SSU72: variants seen among roughly 807,000 people sequenced by gnomAD.
SSU72 encodes RNA polymerase II subunit A C-terminal domain phosphatase SSU72.
SSU72 carries 12 observed loss-of-function variants against 22.7 expected under a neutral mutation model. That is an observed-to-expected ratio of 0.53 (90% CI 0.34 to 0.86). The LOEUF (loss-of-function observed/expected upper bound fraction) is 0.86, where lower values mean the gene tolerates loss of function less well. SSU72 is among the 40% of genes least tolerant of loss of function. The pLI, the probability that SSU72 is intolerant of heterozygous loss-of-function variation, is 0.02. For missense variants in SSU72, 151 were observed against 249.8 expected (o/e 0.60, Z 2.67); for synonymous variants, 116 against 98.3 (o/e 1.18, Z -1.06).
At chr1:1,571,584 G>C (rs975556892) in intron 1 of SSU72, among the ~76,000 whole-genome samples, 6 of 151,962 alleles carry the variant, frequency 3.9e-5, no homozygotes, top group Non-Finnish European at 8.8e-5. Flanking sequence ...TTGAATGATG[G>C]CGGCACAGGT....
At position 1,554,500 on chromosome 1, in the gene SSU72, C is replaced by A. The variant is rs1642496103; in HGVS notation, c.225-9498G>T. Among the ~76,000 whole-genome samples the A allele has an allele frequency of 6.6e-6, 1 of 152,198 alleles. No individual in the cohort carries two copies. The highest frequency in any genetic ancestry group is 2.4e-5 in the African/African-American group (1 of 41,448). On this transcript the variant is annotated intron_variant, in intron 2 of 4. Coordinates refer to ENST00000291386, the MANE Select transcript of SSU72 (RefSeq NM_014188.3). This position sits in a 1 kb window ranked among gnomAD's most constrained non-coding sequence, Gnocchi z 4.1. Reference sequence around the variant, plus strand: ...GTGCCAGGACATACCAGGAAACGCCCCAAACACAGCTCGGTTTTCCTTACC... The same window carrying A: ...GTGCCAGGACATACCAGGAAACGCCACAAACACAGCTCGGTTTTCCTTACC...
intron 1 of SSU72, among the ~76,000 whole-genome samples, chr1:1,567,353 CCAAA>C (rs1481256660): frequency 6.6e-6 from 1 of 152,220 alleles, no homozygotes; most frequent in Non-Finnish European, 1.5e-5. Context: ...ACCCGGCTCT[CCAAA>C]CATCTACCAC....
chr1:1,568,789 T>C (rs546974026), intron 1 of SSU72, among the ~76,000 whole-genome samples: 1 of 151,852 alleles, frequency 6.6e-6, no homozygotes, highest in South Asian at 2.1e-4. Context: ...CCAGGCGTGG[T>C]GGCTCATGCC....
intron 2 of SSU72, among the ~76,000 whole-genome samples, chr1:1,559,711 C>G (rs544569774): frequency 6.7e-6 from 1 of 149,866 alleles, no homozygotes; most frequent in African/African-American, 2.5e-5. Context: ...AGGCACACGC[C>G]ACCACACCCA....
At position 1,554,990 on chromosome 1, in the gene SSU72, C is replaced by A. The variant is rs1296346362; in HGVS notation, c.224+9783G>T. ...CTTGGTCCTTCCCCGGAAGGCCACA[C>A]CATCTTCCCTGCACGTATGACTCAT... On this transcript the variant is annotated intron_variant, in intron 2 of 4. Transcript: ENST00000291386. The surrounding 1 kb of genome is among the most constrained non-coding windows in gnomAD (Gnocchi z 4.1). Among the ~76,000 whole-genome samples the A allele has an allele frequency of 6.6e-6, 1 of 152,222 alleles. No individual in the cohort carries two copies.
chr1:1,550,206 A>G (rs1376042065), intron 2 of SSU72, among the ~76,000 whole-genome samples: 1 of 150,118 alleles, frequency 6.7e-6, no homozygotes, highest in Non-Finnish European at 1.5e-5. Context: ...ATATATATAT[A>G]TGTATATAAA....
chr1:1,548,776 G>A (rs368907911), intron 2 of SSU72, among the ~76,000 whole-genome samples: 1 of 152,312 alleles, frequency 6.6e-6, no homozygotes, highest in South Asian at 2.1e-4. Context: ...GCGTAAACAG[G>A]AGGAGCAGGC....
chr1:1,573,372 G>A (rs891627221), intron 1 of SSU72, among the ~76,000 whole-genome samples: 1 of 148,440 alleles, frequency 6.7e-6, no homozygotes, highest in Non-Finnish European at 1.5e-5. Flanking sequence ...ACAAGTTGCA[G>A]TGAGCCGAGA....
chr1:1,574,427 A>C, intron 1 of SSU72, 51 bp downstream of exon 1: 1 of 1,539,632 alleles, frequency 6.5e-7, no homozygotes, highest in Non-Finnish European at 8.8e-7. Flanking sequence ...GGGAGGAGGG[A>C]GGGCCGGTCG....
intron 2 of SSU72, chr1:1,561,819 A>G (rs1020441861): frequency 6.6e-6 from 1 of 152,098 alleles, no homozygotes; most frequent in Non-Finnish European, 1.5e-5. Flanking sequence ...CGCTCCTCCT[A>G]GAGCCTCCTG....
intron 1 of SSU72, among the ~76,000 whole-genome samples, chr1:1,568,929 T>C (rs762502947): frequency 6.6e-6 from 1 of 152,032 alleles, no homozygotes; most frequent in Non-Finnish European, 1.5e-5. Context: ...CCCAGCACTT[T>C]GGGAAGCCAA....
At chr1:1,573,517 G>C (rs1049533890) in intron 1 of SSU72, among the ~76,000 whole-genome samples, 1 of 151,984 alleles carries the variant, frequency 6.6e-6, no homozygotes, top group Non-Finnish European at 1.5e-5. Flanking sequence ...TGATTTTTGG[G>C]GGGTGTTTTT....
At chr1:1,549,538 A>G (rs1209758100) in intron 2 of SSU72, among the ~76,000 whole-genome samples, 9 of 151,294 alleles carry the variant, frequency 5.9e-5, no homozygotes, top group East Asian at 2.0e-4. Flanking sequence ...AAAGAAAGAA[A>G]AAGAAAAAAA....
intron 1 of SSU72, among the ~76,000 whole-genome samples, chr1:1,565,681 G>GGGGC: frequency 1.3e-5 from 2 of 152,296 alleles, no homozygotes; most frequent in East Asian, 3.9e-4. Context: ...CACAGGCTCA[G>GGGGC]GGTTGCTGCA....
intron 2 of SSU72, among the ~76,000 whole-genome samples, chr1:1,558,536 A>G (rs1365781298): frequency 6.6e-6 from 1 of 152,220 alleles, no homozygotes; most frequent in Non-Finnish European, 1.5e-5. Context: ...CTTGCGTTTC[A>G]CAGGACAACA....
intron 2 of SSU72, among the ~76,000 whole-genome samples, chr1:1,548,610 G>T (rs1313477878): frequency 6.6e-6 from 1 of 151,998 alleles, no homozygotes; most frequent in African/African-American, 2.4e-5. Context: ...TTGTCCAGAG[G>T]TGAGATGTGG....
chr1:1,564,573 C>T lies in SSU72; in HGVS notation c.224+200G>A, dbSNP rs371170736. ...CACACCGTGTCTGTGCGCCTCACCACGCCTACTGCCATGGGTGGCACTGGA... is the reference window on the plus strand; with the variant it reads ...CACACCGTGTCTGTGCGCCTCACCATGCCTACTGCCATGGGTGGCACTGGA... On this transcript the variant is annotated intron_variant, in intron 2 of 4. Transcript: ENST00000291386. 4.9e-5 allele frequency: 78 copies of T among 1,594,384 alleles called. No individual in the cohort carries two copies. The East Asian group carries it at 5.0e-4, about 10-fold the overall frequency.
intron 1 of SSU72, among the ~76,000 whole-genome samples, chr1:1,569,602 C>A (rs567266173): frequency 6.5e-4 from 99 of 152,300 alleles, no homozygotes; most frequent in African/African-American, 2.3e-3. Context: ...CTCTTGGGCT[C>A]AAGTGATCTT....
At position 1,567,817 on chromosome 1, in the gene SSU72, G is replaced by A. The variant is rs567871486; in HGVS notation, c.81-2901C>T. The stretch of plus-strand genomic sequence containing the variant: ...AATCCCAGCTATTCGGGAGGCTGAG[G>A]CAGGAGAATTGCGTGAACCCCGGAA... On this transcript the variant is annotated intron_variant, in intron 1 of 4. Coordinates refer to ENST00000291386, the MANE Select transcript of SSU72 (RefSeq NM_014188.3). Among the ~76,000 whole-genome samples the A allele has an allele frequency of 8.8e-4, 132 of 149,172 alleles. 1 individual carries two copies. The South Asian group carries it at 9.4e-3, about 11-fold the overall frequency.
Sources: gnomAD v4.1 joint callset for allele counts (sites outside exome capture counted in the v4.1 genomes callset) on GRCh38, gnomAD v4.1.1 for gene constraint, Gnocchi (gnomAD v3.1) non-coding constraint, MANE v1.5 for transcripts, NCBI Gene and HGNC (gene_info 2026-07-23, HGNC 2026-07-21) for gene names.